PDE4D: variants seen among roughly 807,000 people sequenced by gnomAD.
The protein encoded by PDE4D is 3',5'-cyclic-AMP phosphodiesterase 4D.
In PDE4D, 24 loss-of-function variants were observed where a neutral mutation model predicts 87.4. That is an observed-to-expected ratio of 0.27 (90% CI 0.20 to 0.39). The LOEUF is 0.39. Among genes scored for constraint, PDE4D ranks in the 10% least tolerant of loss-of-function variants. The pLI is 1.00. For missense variants in PDE4D, 714 were observed against 1,041.0 expected (o/e 0.69, Z 4.32); for synonymous variants, 384 against 383.2 (o/e 1.00, Z -0.02).
At chr5:59,584,027 A>G (rs1824667667) in intron 1 of PDE4D, among the ~76,000 whole-genome samples, 1 of 152,208 alleles carries the variant, frequency 6.6e-6, no homozygotes, top group African/African-American at 2.4e-5. Flanking sequence ...CACGAAGAAA[A>G]GGCTCTAAAT....
At position 59,030,952 on chromosome 5, in the gene PDE4D, A is replaced by G. The variant is rs777252388; in HGVS notation, c.921+7907T>C. On this transcript the variant is annotated intron_variant, in intron 6 of 14. Coordinates refer to ENST00000340635, the MANE Select transcript of PDE4D (RefSeq NM_001104631.2). ...TCACGTATCATCCCATCACCTAGGC[A>G]CTAAGCCCAGCATCCACTAGCCATT... 4.6e-5 allele frequency among the ~76,000 whole-genome samples: 7 copies of G among 152,040 alleles called. 1 individual carries two copies. Among genetic ancestry groups the G allele is most frequent in the Admixed American group, 1.3e-4 (2 of 15,266 alleles).
intron 2 of PDE4D, among the ~76,000 whole-genome samples, chr5:59,999,625 G>A (rs1763848400): frequency 6.7e-6 from 1 of 150,266 alleles, no homozygotes; most frequent in East Asian, 2.0e-4. Context: ...AATTTATAAG[G>A]ACTGAAGAGG....
At chr5:59,907,925 A>G (rs1402487179) in intron 3 of PDE4D, among the ~76,000 whole-genome samples, 2 of 151,868 alleles carry the variant, frequency 1.3e-5, no homozygotes, top group Non-Finnish European at 2.9e-5. Flanking sequence ...AACTTCCCCC[A>G]AGTCCTCATT....
intron 6 of PDE4D, among the ~76,000 whole-genome samples, chr5:59,038,374 C>T (rs924758703): frequency 2.6e-5 from 4 of 152,138 alleles, no homozygotes; most frequent in Non-Finnish European, 4.4e-5. Flanking sequence ...ATATGTATGG[C>T]CAACTGAATA....
intron 1 of PDE4D, among the ~76,000 whole-genome samples, chr5:59,417,442 A>G (rs1474804056): frequency 2.6e-5 from 4 of 152,202 alleles, no homozygotes; most frequent in African/African-American, 9.6e-5. Context: ...CTGAAAGGGA[A>G]TAACACACAA....
rs533389109 is a variant in PDE4D, at chr5:59,679,463, T to G, written c.455+213705A>C. On this transcript the variant is annotated intron_variant, in intron 1 of 14. Transcript: ENST00000340635. Reference sequence around the variant, plus strand: ...GTGGTTATCTTCCCTCCATAAACATTTCCTAGTGATTTTGTTAACTATAAT... The same window carrying G: ...GTGGTTATCTTCCCTCCATAAACATGTCCTAGTGATTTTGTTAACTATAAT... 2.2e-4 allele frequency among the ~76,000 whole-genome samples: 33 copies of G among 152,318 alleles called. No homozygotes were observed. In the South Asian group the frequency reaches 6.8e-3, roughly 32 times the overall value.
chr5:59,593,153 G>T (rs1826146912), intron 1 of PDE4D, among the ~76,000 whole-genome samples: 1 of 151,728 alleles, frequency 6.6e-6, no homozygotes, highest in Non-Finnish European at 1.5e-5. Flanking sequence ...TTCTGAAATG[G>T]AATTACATTT....
In PDE4D at chr5:59,458,398, C is replaced by G. The variant is rs933290798; in HGVS notation, c.456-242430G>C. Among the ~76,000 whole-genome samples, 4 of 152,156 alleles carry G rather than the reference C, an allele frequency of 2.6e-5. 1 individual carries two copies. Among genetic ancestry groups the G allele is most frequent in the African/African-American group, 9.7e-5 (4 of 41,448 alleles). The stretch of plus-strand genomic sequence containing the variant: ...AGAGAGCTCTTGACATTAAGGAATT[C>G]TCAGTGAAACCTCACTGGAAATAGT... On this transcript the variant is annotated intron_variant, in intron 1 of 14. Transcript: ENST00000340635.
chr5:60,076,160 T>G (rs965853660), intron 2 of PDE4D, among the ~76,000 whole-genome samples: 25 of 137,322 alleles, frequency 1.8e-4, no homozygotes, highest in African/African-American at 6.3e-4. Context: ...CCAATCTTTT[T>G]CGAATTTTTT....
intron 1 of PDE4D, among the ~76,000 whole-genome samples, chr5:60,263,992 A>G (rs1749922892): frequency 6.6e-6 from 1 of 151,912 alleles, no homozygotes; most frequent in African/African-American, 2.4e-5. Context: ...AAAAATAATA[A>G]ACTAAAATAA....
chr5:59,678,122 C>T (rs1201101606), intron 1 of PDE4D, among the ~76,000 whole-genome samples: 1 of 151,984 alleles, frequency 6.6e-6, no homozygotes, highest in African/African-American at 2.4e-5. Flanking sequence ...ATACCTTAAA[C>T]TCAGTCTCAA....
chr5:59,279,636 A>T (rs1186945481), intron 1 of PDE4D, among the ~76,000 whole-genome samples: 2 of 152,258 alleles, frequency 1.3e-5, no homozygotes, highest in East Asian at 3.9e-4. Flanking sequence ...TGCTAAGTAG[A>T]CTATACTTTC....
intron 1 of PDE4D, among the ~76,000 whole-genome samples, chr5:59,375,296 T>C (rs1278688682): frequency 1.3e-5 from 2 of 151,692 alleles, no homozygotes; most frequent in East Asian, 1.9e-4. Context: ...ACCAGCTAGA[T>C]TAATAAAGAA....
rs191660017 is a variant in PDE4D at position 59,695,817 on chromosome 5, C to T, written c.455+197351G>A. On this transcript the variant is annotated intron_variant, in intron 1 of 14. Coordinates refer to ENST00000340635, the MANE Select transcript of PDE4D (RefSeq NM_001104631.2). ...AGAGATGGGGTTTCACCACGTTGCTCAGGCTGGTCTCAAACTCCTGAGCTC... is the reference window on the plus strand; with the variant it reads ...AGAGATGGGGTTTCACCACGTTGCTTAGGCTGGTCTCAAACTCCTGAGCTC... Among the ~76,000 whole-genome samples the T allele has an allele frequency of 3.9e-5, 6 of 152,208 alleles. No individual in the cohort carries two copies. In the East Asian group the frequency reaches 9.7e-4, roughly 25 times the overall value.
chr5:60,121,731 G>C lies in PDE4D; in HGVS notation c.42+63826C>G, dbSNP rs192912246. 4.1e-3 allele frequency among the ~76,000 whole-genome samples: 631 copies of C among 152,156 alleles called. 6 individuals carry two copies. The highest frequency in any genetic ancestry group is 0.014 in the African/African-American group (597 of 41,494). ...GCTAAACCATATAATTCCCCCCTGG[G>C]CCCTCCAAATCTCACGTCCTCACAT... On this transcript the variant is annotated intron_variant, in intron 2 of 16. Coordinates refer to the PDE4D transcript ENST00000502484.
chr5:60,394,727 C>G (rs1762774005), intron 1 of PDE4D, among the ~76,000 whole-genome samples: 1 of 152,134 alleles, frequency 6.6e-6, no homozygotes, highest in South Asian at 2.1e-4. Flanking sequence ...TAAAGACTTT[C>G]AGTTACCAGA....
rs185806628 is a variant in PDE4D, at chr5:59,416,804, T to C, written c.456-200836A>G. ...GGTGTAGTGCTTTTTCCATTTTCTATGCCAGCTCTCTTGACATACTTAGCA... is the reference window on the plus strand; with the variant it reads ...GGTGTAGTGCTTTTTCCATTTTCTACGCCAGCTCTCTTGACATACTTAGCA... On this transcript the variant is annotated intron_variant, in intron 1 of 14. Coordinates refer to ENST00000340635, the MANE Select transcript of PDE4D (RefSeq NM_001104631.2). 3.5e-3 allele frequency among the ~76,000 whole-genome samples: 540 copies of C among 152,324 alleles called. 3 individuals carry two copies. The highest frequency in any genetic ancestry group is 6.7e-3 in the Admixed American group (102 of 15,294).
chr5:59,231,394 A>G (rs1361211737), intron 1 of PDE4D, among the ~76,000 whole-genome samples: 1 of 152,176 alleles, frequency 6.6e-6, no homozygotes, highest in Non-Finnish European at 1.5e-5. Context: ...ATTGCATGCC[A>G]CTTTCAGGAC....
At chr5:59,272,091 AAAC>A (rs761970454) in intron 1 of PDE4D, among the ~76,000 whole-genome samples, 41 of 152,060 alleles carry the variant, frequency 2.7e-4, no homozygotes, top group Admixed American at 9.8e-4. Flanking sequence ...TTTGCTTTAA[AAAC>A]AACCACAGTC....
Sources: gnomAD v4.1 joint callset for allele counts (sites outside exome capture counted in the v4.1 genomes callset) on GRCh38, gnomAD v4.1.1 for gene constraint, MANE v1.5 for transcripts, NCBI Gene and HGNC (gene_info 2026-07-23, HGNC 2026-07-21) for gene names.